Variants in PRDM10 observed in about 807,000 individuals in gnomAD.
The protein encoded by PRDM10 is PR/SET domain 10.
A neutral mutation model predicts 133.1 loss-of-function variants in PRDM10; 65 were observed. That is an observed-to-expected ratio of 0.49 (90% CI 0.40 to 0.60). PRDM10 has a LOEUF of 0.60. Ranked by LOEUF, PRDM10 falls within the 20% of genes least tolerant of loss-of-function variation. The pLI, the probability that PRDM10 is intolerant of heterozygous loss-of-function variation, is 0.00. For missense variants in PRDM10, 1,137 were observed against 1,507.1 expected, an observed-to-expected ratio of 0.75 and a Z score of 4.07; for synonymous variants, 582 against 580.4, an observed-to-expected ratio of 1.00 and a Z score of -0.04.
At chr11:129,925,314 A>C in intron 11 of PRDM10, 85 bp from the exon 12 acceptor site, 4 of 1,236,040 alleles carry the variant, frequency 3.2e-6, no homozygotes, top group Non-Finnish European at 4.5e-6. Context: ...AGAGAGGATG[A>C]TCTCTGCAAT....
chr11:129,983,877 C>A (rs1332825582), intron 1 of PRDM10, among the ~76,000 whole-genome samples: 1 of 152,156 alleles, frequency 6.6e-6, no homozygotes, highest in Non-Finnish European at 1.5e-5. Context: ...TATGTTCCCT[C>A]CTGTGACCAC....
chr11:129,912,156 G>T lies in PRDM10; in HGVS notation c.2911C>A (p.Pro971Thr). Residue 971 changes from proline to threonine, a missense_variant, in exon 18 of 21, where the codon CCC (proline) becomes ACC (threonine). This residue lies in a region of PRDM10 where 243 missense variants were observed against 259.2 expected (regional missense o/e 0.94). Coordinates refer to ENST00000360871, the MANE Select transcript of PRDM10 (RefSeq NM_199437.2). ...TGCTGCACCTGGATGGCGTGCTGGG[G>T]GTAGGGCTGAGGATCATGGAGCTGG... ...VGQLHDPQPY[P>T]QHAIQVQHIQ... The T allele has an allele frequency of 6.2e-7, 1 of 1,612,820 alleles. No homozygotes were observed. Among genetic ancestry groups the T allele is most frequent in the Non-Finnish European group, 8.5e-7 (1 of 1,179,398 alleles).
At chr11:129,953,494 A>G (rs1951631428) in intron 4 of PRDM10, among the ~76,000 whole-genome samples, 1 of 152,034 alleles carries the variant, frequency 6.6e-6, no homozygotes, top group African/African-American at 2.4e-5. Flanking sequence ...GGGTTTCACC[A>G]TGTTGGCCAG....
chr11:129,973,525 C>G (rs769434243), intron 1 of PRDM10, among the ~76,000 whole-genome samples: 2 of 152,080 alleles, frequency 1.3e-5, no homozygotes, highest in Non-Finnish European at 2.9e-5. Context: ...TGTTACACAC[C>G]ATCTTTTGAT....
At chr11:129,946,662 C>T (rs1951422422) in intron 5 of PRDM10, among the ~76,000 whole-genome samples, 1 of 152,192 alleles carries the variant, frequency 6.6e-6, no homozygotes, top group South Asian at 2.1e-4. Context: ...AGCTACCCAC[C>T]TCATGGTAGG....
intron 1 of PRDM10, among the ~76,000 whole-genome samples, chr11:129,990,904 C>T (rs1938708765): frequency 6.6e-6 from 1 of 152,052 alleles, no homozygotes; most frequent in African/African-American, 2.4e-5. Context: ...CATTTTATTG[C>T]CTTCATAAAA....
Position 129,923,643 on chromosome 11 carries a change from TGAGAGAGAGAGAGA to T in PRDM10, c.1879-254_1879-241del, listed in dbSNP as rs57429782. Among the ~76,000 whole-genome samples the T allele has an allele frequency of 1.7e-3, 114 of 65,880 alleles. No individual in the cohort carries two copies. The highest frequency in any genetic ancestry group is 4.8e-3 in the South Asian group (7 of 1,452). The allele number at this position is 65,880 out of a possible 152,430, so 43.2% of individuals were successfully genotyped here. ...CGAACCTCCCCGATGACTTGAAACGTGAGAGAGAGAGAGAGAGAGAGAGAGAGAGAGAGAGAGAG... is the reference window on the plus strand; with the variant it reads ...CGAACCTCCCCGATGACTTGAAACGTGAGAGAGAGAGAGAGAGAGAGAGAG... On this transcript the variant is annotated intron_variant, in intron 12 of 20. Transcript: ENST00000360871. The surrounding 1 kb of genome is among the most constrained non-coding windows in gnomAD (Gnocchi z 4.4).
chr11:129,992,303 G>A (rs1490815407), intron 1 of PRDM10, among the ~76,000 whole-genome samples: 1 of 152,180 alleles, frequency 6.6e-6, no homozygotes, highest in Non-Finnish European at 1.5e-5. Context: ...AATAATTATA[G>A]CTACAGGCAT....
chr11:129,915,452 G>A (rs3734074), intron 16 of PRDM10, among the ~76,000 whole-genome samples: 14,069 of 152,236 alleles, frequency 0.092, 1,346 homozygotes, highest in East Asian at 0.4. Context: ...TCGGGCTGCT[G>A]TACGGCACTA....
rs1195912455 is a variant in PRDM10, at chr11:130,002,834, G to C, written c.-231C>G. ...TCCAGGTGGTTCTTCCCGCCGCAGA[G>C]TGGGAGCAGCATAAAAGGCGGGGTC... On this transcript the variant is annotated 5_prime_UTR_variant, in exon 1 of 21. Transcript: ENST00000360871. 1 of 203,394 alleles carries C rather than the reference G, an allele frequency of 4.9e-6. No individual in the cohort carries two copies. The highest frequency in any genetic ancestry group is 1.0e-5 in the Non-Finnish European group (1 of 97,160). 12.6% of individuals were successfully genotyped at this position (203,394 alleles called of 1,614,324 possible).
In PRDM10 at chr11:129,957,795, T is replaced by C; in HGVS notation, c.185A>G (p.Asp62Gly). The change falls in exon 3 of 21, where the codon GAT becomes GGT. Residue 62 changes from aspartate to glycine, a missense_variant. Physicochemically the swap from Asp to Gly is moderately conservative, Grantham distance 94. Coordinates refer to ENST00000360871, the MANE Select transcript of PRDM10 (RefSeq NM_199437.2). ...GTACACCAGCGTGTGCTCTGGACCA[T>C]CCACTGATGTGTAGGAGGCACCATC... ...TADGASYTSVDGPEHTLVYIH... is the reference protein window; with the variant it reads ...TADGASYTSVGGPEHTLVYIH... 2 of 1,614,218 alleles carry C rather than the reference T, an allele frequency of 1.2e-6. No homozygotes were observed. The highest frequency in any genetic ancestry group is 1.3e-5 in the African/African-American group (1 of 75,072).
chr11:129,942,635 C>G lies in PRDM10; in HGVS notation c.763-6G>C, dbSNP rs141414113. ...TCCCCTTTATCAAGAGAAACCTGCA[C>G]GAAAAAAAAGCCACACCAAAAACAA... On this transcript the variant is annotated splice_region_variant and splice_polypyrimidine_tract_variant and intron_variant, in intron 6 of 20. Transcript: ENST00000360871. 2.5e-6 allele frequency: 4 copies of G among 1,595,440 alleles called. No homozygotes were observed. The highest frequency in any genetic ancestry group is 1.7e-6 in the Non-Finnish European group (2 of 1,173,322).
At chr11:129,934,397 A>T (rs561980240) in intron 9 of PRDM10, among the ~76,000 whole-genome samples, 2 of 151,972 alleles carry the variant, frequency 1.3e-5, no homozygotes, top group African/African-American at 4.8e-5. Context: ...GCAACCCTAC[A>T]TCTGTCCCCC....
chr11:129,992,022 C>T (rs1938786094), intron 1 of PRDM10, among the ~76,000 whole-genome samples: 1 of 152,058 alleles, frequency 6.6e-6, no homozygotes. Flanking sequence ...CATTTTCTTC[C>T]GCAGGAGACA....
chr11:129,905,620 C>A lies in PRDM10; in HGVS notation c.3267+18G>T. The A allele has an allele frequency of 6.2e-7, 1 of 1,601,794 alleles. No individual in the cohort carries two copies. The highest frequency in any genetic ancestry group is 8.6e-7 in the Non-Finnish European group (1 of 1,168,924). On this transcript the variant is annotated intron_variant, in intron 20 of 20. Coordinates refer to ENST00000360871, the MANE Select transcript of PRDM10 (RefSeq NM_199437.2). ...CACAGGTTGGACAGGAAAAACCCGA[C>A]CGAGTAGCGTAGCTTACCGAAGTAA...
chr11:129,945,427 G>A lies in PRDM10; in HGVS notation c.521-415C>T, dbSNP rs34263165. ...ATTATCTCAATAAAACTATTCCGGG[G>A]CCGGGGAGGAACCCTGACAATACTA... On this transcript the variant is annotated intron_variant, in intron 5 of 20. Transcript: ENST00000360871. The surrounding 1 kb of genome is among the most constrained non-coding windows in gnomAD (Gnocchi z 4.2). 0.088 allele frequency among the ~76,000 whole-genome samples: 13,314 copies of A among 152,140 alleles called. 1,055 individuals are homozygous for A. Among genetic ancestry groups the A allele is most frequent in the East Asian group, 0.37 (1,909 of 5,156 alleles).
At chr11:129,995,147 T>G (rs1370234743) in intron 1 of PRDM10, among the ~76,000 whole-genome samples, 1 of 152,240 alleles carries the variant, frequency 6.6e-6, no homozygotes, top group Non-Finnish European at 1.5e-5. Context: ...CATGGGTCCT[T>G]ATATTTATCC....
At position 129,931,052 on chromosome 11, in the gene PRDM10, C is replaced by T; in HGVS notation, c.1494G>A (p.Leu498=). The T allele has an allele frequency of 1.2e-6, 2 of 1,613,982 alleles. No individual in the cohort carries two copies. The highest frequency in any genetic ancestry group is 1.7e-6 in the Non-Finnish European group (2 of 1,179,946). ...TGGCTCTGCGCATGTCGTCGGCTGT[C>T]AGCGTGCTCTGGGTGGGCACCACGC... ...EESVVPTQST[L]TADDMRRAKR... The change falls in exon 11 of 21, where the codon CTG becomes CTA. Residue 498 remains leucine, a synonymous_variant. Transcript: ENST00000360871.
chr11:129,935,331 C>T, intron 8 of PRDM10, 113 bp from the exon 9 acceptor site: 1 of 774,582 alleles, frequency 1.3e-6, no homozygotes, highest in Non-Finnish European at 2.2e-6. Context: ...GAGTTCATAA[C>T]TATATAGTAT....
Sources: gnomAD v4.1 joint callset for allele counts (sites outside exome capture counted in the v4.1 genomes callset) on GRCh38, gnomAD v4.1.1 for gene constraint, gnomAD v4.1.1 regional missense constraint, Gnocchi (gnomAD v3.1) non-coding constraint, MANE v1.5 for transcripts, NCBI Gene and HGNC (gene_info 2026-07-23, HGNC 2026-07-21) for gene names.